Variants in MACROH2A1 observed in about 807,000 individuals in gnomAD.
MACROH2A1 encodes macroH2A.1 histone.
In MACROH2A1, 2 loss-of-function variants were observed where a neutral mutation model predicts 31.6. That is an observed-to-expected ratio of 0.06 (90% CI 0.03 to 0.20). The LOEUF (loss-of-function observed/expected upper bound fraction) is 0.20, where lower values mean the gene tolerates loss of function less well. MACROH2A1 is among the 10% of genes least tolerant of loss of function. The pLI, the probability that MACROH2A1 is intolerant of heterozygous loss-of-function variation, is 1.00. For synonymous variants in MACROH2A1, 169 were observed against 189.6 expected, an observed-to-expected ratio of 0.89 and a Z score of 0.89; for missense variants, 230 against 474.0, an observed-to-expected ratio of 0.49 and a Z score of 4.78.
Position 135,389,054 on chromosome 5 carries a change from A to C in MACROH2A1, c.40T>G (p.Ser14Ala). 1.9e-6 allele frequency: 3 copies of C among 1,613,700 alleles called. No homozygotes were observed. The highest frequency in any genetic ancestry group is 2.5e-6 in the Non-Finnish European group (3 of 1,179,746). The change falls in exon 2 of 9, where the codon TCC (serine) becomes GCC (alanine). Residue 14 changes from serine to alanine, a missense_variant. Around this residue, in one of 2 missense-constraint regions of MACROH2A1, gnomAD observed 47 missense variants for 154.7 expected, o/e 0.30. Transcript: ENST00000511689. ...ATGACTCCTGCTTTGGCAGACCTGG[A>C]CGTCTTGGTGGACTTCTTCTTCCCA... The part of the protein sequence containing the change: ...RGGKKKSTKT[S>A]RSAKAGVIFP...
In MACROH2A1 at chr5:135,371,943, AG is replaced by A. The variant is rs559225122; in HGVS notation, c.173-1802del. Among the ~76,000 whole-genome samples, 55 of 152,318 alleles carry A rather than the reference AG, an allele frequency of 3.6e-4. No individual in the cohort carries two copies. The South Asian group carries it at 8.3e-3, about 23-fold the overall frequency. On this transcript the variant is annotated intron_variant, in intron 2 of 8. Transcript: ENST00000511689. Reference sequence around the variant, plus strand: ...GTATGACACAGGGCATGCATTTTTAAGAGGTACTAACAGCTCCACCCAATGC... The same window carrying A: ...GTATGACACAGGGCATGCATTTTTAAAGGTACTAACAGCTCCACCCAATGC...
chr5:135,374,317 G>C (rs953717828), intron 2 of MACROH2A1, among the ~76,000 whole-genome samples: 3 of 152,194 alleles, frequency 2.0e-5, no homozygotes, highest in Non-Finnish European at 2.9e-5. Flanking sequence ...TCCTATTCAG[G>C]GGGGAGCGGA....
rs1227781230 is a variant in MACROH2A1 at position 135,380,332 on chromosome 5, T to C, written c.172+8590A>G. On this transcript the variant is annotated intron_variant, in intron 2 of 8. Coordinates refer to ENST00000511689, the MANE Select transcript of MACROH2A1 (RefSeq NM_138610.3). ...TCTGTGGAAATCAACCGTGATTCTT[T>C]TGACCCCAGCACCCCGCTTGGGACT... Among the ~76,000 whole-genome samples, 4 of 152,186 alleles carry C rather than the reference T, an allele frequency of 2.6e-5. No homozygotes were observed. In the South Asian group the frequency reaches 8.3e-4, roughly 32 times the overall value.
rs141508103 is a variant in MACROH2A1 at position 135,360,619 on chromosome 5, G to A, written c.478-12C>T. On this transcript the variant is annotated splice_polypyrimidine_tract_variant and intron_variant, in intron 4 of 8. Coordinates refer to ENST00000511689, the MANE Select transcript of MACROH2A1 (RefSeq NM_138610.3). ...TCACCCTGCTTCTTCTTGCACAGAC[G>A]GAAGGGTCAGAATGTGGGCCACACA... is the stretch of plus-strand genomic sequence containing the variant. The A allele has an allele frequency of 1.9e-5, 31 of 1,589,986 alleles. No individual in the cohort carries two copies. The highest frequency in any genetic ancestry group is 1.7e-4 in the Middle Eastern group (1 of 6,012).
At chr5:135,342,116 CT>C (rs1759992159) in intron 8 of MACROH2A1, among the ~76,000 whole-genome samples, 1 of 152,234 alleles carries the variant, frequency 6.6e-6, no homozygotes, top group Non-Finnish European at 1.5e-5. Context: ...GACCTCGAGC[CT>C]TCCAGAGGCC....
chr5:135,398,671 G>A lies in MACROH2A1; in HGVS notation c.-34+391C>T, dbSNP rs1342701736. On this transcript the variant is annotated intron_variant, in intron 1 of 8. Coordinates refer to ENST00000511689, the MANE Select transcript of MACROH2A1 (RefSeq NM_138610.3). The surrounding 1 kb of genome is among the most constrained non-coding windows in gnomAD (Gnocchi z 4.6). The stretch of plus-strand genomic sequence containing the variant: ...CTCACAGCAGCTCCCGGGTGCCCAG[G>A]CCCAGACTGCCTAGCCAGCGCCGCG... Among the ~76,000 whole-genome samples, 1 of 152,190 alleles carries A rather than the reference G, an allele frequency of 6.6e-6. No individual in the cohort carries two copies. Among genetic ancestry groups the A allele is most frequent in the Non-Finnish European group, 1.5e-5 (1 of 68,022 alleles).
chr5:135,385,310 C>G (rs1766241604), intron 2 of MACROH2A1, among the ~76,000 whole-genome samples: 1 of 152,238 alleles, frequency 6.6e-6, no homozygotes, highest in Non-Finnish European at 1.5e-5. Flanking sequence ...GAAAGCATTT[C>G]CTGACACCCA....
chr5:135,343,036 T>C, intron 8 of MACROH2A1: 1 of 1,028,860 alleles, frequency 9.7e-7, no homozygotes, highest in Non-Finnish European at 1.4e-6. Flanking sequence ...GTGATGACAT[T>C]TGCTATCAAA....
At chr5:135,375,804 A>G (rs938845120) in intron 2 of MACROH2A1, among the ~76,000 whole-genome samples, 2 of 152,210 alleles carry the variant, frequency 1.3e-5, no homozygotes, top group African/African-American at 2.4e-5. Flanking sequence ...GAATCTGTTT[A>G]TTGTATTTCT....
At chr5:135,384,182 G>A (rs2149930330) in intron 2 of MACROH2A1, among the ~76,000 whole-genome samples, 1 of 152,300 alleles carries the variant, frequency 6.6e-6, no homozygotes, top group African/African-American at 2.4e-5. Flanking sequence ...GAGTATCAGT[G>A]TAACAGGATG....
intron 5 of MACROH2A1, chr5:135,359,322 AG>A: frequency 1.0e-6 from 1 of 985,220 alleles, no homozygotes; most frequent in African/African-American, 1.7e-5. Context: ...AATATGTTAC[AG>A]GGGTGAAAGT....
intron 4 of MACROH2A1, among the ~76,000 whole-genome samples, chr5:135,368,096 C>G (rs904742411): frequency 1.3e-5 from 2 of 152,214 alleles, no homozygotes; most frequent in African/African-American, 4.8e-5. Flanking sequence ...GGGAGTGATT[C>G]TGGGCCTAAG....
chr5:135,335,494 C>A (rs1346531637), intron 8 of MACROH2A1, among the ~76,000 whole-genome samples: 1 of 152,182 alleles, frequency 6.6e-6, no homozygotes, highest in African/African-American at 2.4e-5. Flanking sequence ...TAGCACAGTG[C>A]CTGAGCCATA....
intron 6 of MACROH2A1, chr5:135,350,776 G>A (rs763910490): frequency 2.3e-5 from 27 of 1,165,246 alleles, no homozygotes; most frequent in Admixed American, 3.4e-5. Context: ...TGCAGCGGCC[G>A]ACTGACCATG....
intron 1 of MACROH2A1, among the ~76,000 whole-genome samples, chr5:135,392,364 T>C (rs1767364441): frequency 6.6e-6 from 1 of 152,230 alleles, no homozygotes; most frequent in African/African-American, 2.4e-5. Flanking sequence ...TCACTTCTCA[T>C]TCTGAGTCAG....
chr5:135,360,634 T>C (rs1352333105), intron 4 of MACROH2A1, 27 bp from the exon 5 acceptor site: 1 of 1,500,956 alleles, frequency 6.7e-7, no homozygotes, highest in Admixed American at 1.7e-5. Flanking sequence ...GGTCAGAATG[T>C]GGGCCACACA....
At chr5:135,362,970 TACTCTGAAGTTTGA>T (rs1763026761) in intron 4 of MACROH2A1, 1 of 152,340 alleles carries the variant, frequency 6.6e-6, no homozygotes, top group Non-Finnish European at 1.5e-5. Flanking sequence ...AAAGTGATAG[TACTCTGAAGTTTGA>T]ACTCTGAAGT....
intron 2 of MACROH2A1, among the ~76,000 whole-genome samples, chr5:135,370,593 T>A (rs1764059851): frequency 6.6e-6 from 1 of 152,226 alleles, no homozygotes; most frequent in South Asian, 2.1e-4. Context: ...GCCTGTTAAA[T>A]CTTTGTTGAT....
At chr5:135,345,926 A>G (rs1410325063) in intron 7 of MACROH2A1, 42 bp downstream of exon 7, 7 of 1,301,246 alleles carry the variant, frequency 5.4e-6, no homozygotes, top group Non-Finnish European at 7.8e-6. Flanking sequence ...CTAATACTGC[A>G]TGTGTCACAA....
Sources: gnomAD v4.1 joint callset for allele counts (sites outside exome capture counted in the v4.1 genomes callset) on GRCh38, gnomAD v4.1.1 for gene constraint, gnomAD v4.1.1 regional missense constraint, Gnocchi (gnomAD v3.1) non-coding constraint, MANE v1.5 for transcripts, NCBI Gene and HGNC (gene_info 2026-07-23, HGNC 2026-07-21) for gene names.